GMDS: variants seen among roughly 807,000 people sequenced by gnomAD.
GMDS encodes GDP-mannose 4,6 dehydratase.
GMDS carries 20 observed loss-of-function variants against 49.9 expected under a neutral mutation model. That is an observed-to-expected ratio of 0.40 (90% CI 0.28 to 0.58). The LOEUF is 0.58. GMDS is among the 20% of genes least tolerant of loss of function. The pLI, the probability that GMDS is intolerant of heterozygous loss-of-function variation, is 0.42. For missense variants in GMDS, 362 were observed against 481.4 expected (o/e 0.75, Z 2.32); for synonymous variants, 177 against 178.6 (o/e 0.99, Z 0.07).
chr6:1,700,512 C>A (rs890423235), intron 9 of GMDS, among the ~76,000 whole-genome samples: 3 of 152,162 alleles, frequency 2.0e-5, no homozygotes, highest in Admixed American at 1.3e-4. Context: ...GGGAGAAAAG[C>A]AGCTCTACAG....
chr6:2,017,316 T>A (rs1767964562), intron 4 of GMDS, among the ~76,000 whole-genome samples: 2 of 150,754 alleles, frequency 1.3e-5, no homozygotes, highest in African/African-American at 4.9e-5. Flanking sequence ...TTTATTTTTT[T>A]TTTTCCCCCT....
At chr6:1,756,515 G>A (rs1484232427) in intron 7 of GMDS, among the ~76,000 whole-genome samples, 14 of 152,118 alleles carry the variant, frequency 9.2e-5, no homozygotes, top group African/African-American at 3.1e-4. Flanking sequence ...CAGGTGATCT[G>A]CCCGCCTCGG....
intron 7 of GMDS, among the ~76,000 whole-genome samples, chr6:1,779,146 C>T (rs1337775447): frequency 6.6e-6 from 1 of 152,198 alleles, no homozygotes; most frequent in African/African-American, 2.4e-5. Flanking sequence ...GACAGCCTTC[C>T]TCCAGCAGCC....
chr6:2,110,125 T>C (rs1052352720), intron 4 of GMDS, among the ~76,000 whole-genome samples: 2 of 152,178 alleles, frequency 1.3e-5, no homozygotes, highest in African/African-American at 4.8e-5. Flanking sequence ...TTTTGTTTTG[T>C]TCTATAATTG....
At chr6:1,700,076 A>T (rs1300086038) in intron 9 of GMDS, among the ~76,000 whole-genome samples, 1 of 152,170 alleles carries the variant, frequency 6.6e-6, no homozygotes, top group Non-Finnish European at 1.5e-5. Flanking sequence ...CCCCCTCCGC[A>T]CCGACACCAA....
intron 4 of GMDS, among the ~76,000 whole-genome samples, chr6:2,002,946 T>G (rs753562700): frequency 8.5e-5 from 13 of 152,142 alleles, no homozygotes; most frequent in Non-Finnish European, 1.8e-4. Flanking sequence ...TTTTGAAAAT[T>G]TGAGCTTTTA....
intron 1 of GMDS, among the ~76,000 whole-genome samples, chr6:2,164,419 T>C (rs1159591373): frequency 2.0e-5 from 3 of 151,982 alleles, no homozygotes; most frequent in Non-Finnish European, 2.9e-5. Context: ...GGGTCCTGAG[T>C]AGACTCAGCA....
intron 7 of GMDS, among the ~76,000 whole-genome samples, chr6:1,867,049 G>A (rs572829112): frequency 2.0e-5 from 3 of 152,122 alleles, no homozygotes; most frequent in Non-Finnish European, 4.4e-5. Context: ...CAAATTACAT[G>A]GATATATTTA....
rs188419698 is a variant in GMDS at position 1,766,048 on chromosome 6, T to C, written c.772-23462A>G. ...AGAAATCAGCTGCAAACGTCCTCTC[T>C]CCCAGTGGGCAGAGCGGCTGCACTA... On this transcript the variant is annotated intron_variant, in intron 7 of 10. Transcript: ENST00000380815. The surrounding 1 kb of genome is among the most constrained non-coding windows in gnomAD (Gnocchi z 4.5). Among the ~76,000 whole-genome samples, 19 of 152,234 alleles carry C rather than the reference T, an allele frequency of 1.2e-4. 1 individual carries two copies. Among genetic ancestry groups the C allele is most frequent in the African/African-American group, 4.6e-4 (19 of 41,542 alleles).
chr6:1,778,741 G>A lies in GMDS; in HGVS notation c.772-36155C>T, dbSNP rs943704271. On this transcript the variant is annotated intron_variant, in intron 7 of 10. Coordinates refer to ENST00000380815, the MANE Select transcript of GMDS (RefSeq NM_001500.4). The surrounding 1 kb of genome is among the most constrained non-coding windows in gnomAD (Gnocchi z 4.6). ...GCCAGCCAGGAAAAAGCCTGCTGACGTTTGCAGCTCAGACCTCAAAGCTCG... is the reference window on the plus strand; with the variant it reads ...GCCAGCCAGGAAAAAGCCTGCTGACATTTGCAGCTCAGACCTCAAAGCTCG... 1.2e-4 allele frequency among the ~76,000 whole-genome samples: 19 copies of A among 152,128 alleles called. No individual in the cohort carries two copies. Among genetic ancestry groups the A allele is most frequent in the African/African-American group, 1.9e-4 (8 of 41,436 alleles).
Position 2,003,974 on chromosome 6 carries a change from T to C in GMDS, c.346-43008A>G, listed in dbSNP as rs75864331. Among the ~76,000 whole-genome samples, 847 of 152,328 alleles carry C rather than the reference T, an allele frequency of 5.6e-3. 6 individuals carry two copies. Among genetic ancestry groups the C allele is most frequent in the African/African-American group, 0.019 (792 of 41,568 alleles). On this transcript the variant is annotated intron_variant, in intron 4 of 10. Transcript: ENST00000380815. ...ACCACACATTAAATTAAGATTGATATCATGTTCACATAGCATCCTGAACTA... is the reference window on the plus strand; with the variant it reads ...ACCACACATTAAATTAAGATTGATACCATGTTCACATAGCATCCTGAACTA...
intron 4 of GMDS, among the ~76,000 whole-genome samples, chr6:2,095,850 G>A (rs1170512705): frequency 6.6e-6 from 1 of 152,072 alleles, no homozygotes; most frequent in East Asian, 1.9e-4. Flanking sequence ...CACCAATTGT[G>A]GAAAGTATGC....
intron 9 of GMDS, among the ~76,000 whole-genome samples, chr6:1,634,383 T>G (rs1488609575): frequency 6.6e-6 from 1 of 152,222 alleles, no homozygotes; most frequent in Non-Finnish European, 1.5e-5. Flanking sequence ...GCTGTGACCC[T>G]GAGCTCCCCT....
chr6:2,148,291 T>C (rs1415879820), intron 1 of GMDS, among the ~76,000 whole-genome samples: 1 of 152,200 alleles, frequency 6.6e-6, no homozygotes, highest in Non-Finnish European at 1.5e-5. Flanking sequence ...CTCCAGTTAA[T>C]AGATCTATTC....
At chr6:2,066,873 A>G (rs1771634432) in intron 4 of GMDS, among the ~76,000 whole-genome samples, 1 of 151,908 alleles carries the variant, frequency 6.6e-6, no homozygotes, top group African/African-American at 2.4e-5. Flanking sequence ...AAAGTCAACA[A>G]GGATACCCAG....
At chr6:1,631,311 G>A (rs1762994005) in intron 9 of GMDS, among the ~76,000 whole-genome samples, 3 of 152,130 alleles carry the variant, frequency 2.0e-5, no homozygotes, top group African/African-American at 4.8e-5. Context: ...TCTGTGCAAA[G>A]CAAAGTATCT....
chr6:2,144,033 A>T (rs952549237), intron 1 of GMDS, among the ~76,000 whole-genome samples: 2 of 152,230 alleles, frequency 1.3e-5, no homozygotes, highest in African/African-American at 4.8e-5. Flanking sequence ...ATGTAAAAAC[A>T]GTAATAATAA....
intron 7 of GMDS, among the ~76,000 whole-genome samples, chr6:1,851,737 A>T (rs986456290): frequency 6.6e-6 from 1 of 152,234 alleles, no homozygotes; most frequent in African/African-American, 2.4e-5. Flanking sequence ...TTTAAAAGAA[A>T]AAAAAGAAAA....
chr6:1,922,782 C>T (rs977913553), intron 7 of GMDS, among the ~76,000 whole-genome samples: 4 of 152,106 alleles, frequency 2.6e-5, no homozygotes, highest in South Asian at 2.1e-4. Flanking sequence ...AGACTTGTCC[C>T]GTCCCATCTA....
Sources: allele counts gnomAD v4.1 joint callset (sites outside exome capture counted in the v4.1 genomes callset), GRCh38; gene constraint gnomAD v4.1.1; non-coding constraint Gnocchi (gnomAD v3.1); transcripts MANE v1.5; gene names NCBI Gene and HGNC (gene_info 2026-07-23, HGNC 2026-07-21).